The following KDM4B variants were observed in gnomAD, a reference collection of about 807,000 sequenced individuals.
KDM4B encodes lysine-specific demethylase 4B.
A neutral mutation model predicts 125.2 loss-of-function variants in KDM4B; 32 were observed. The ratio of observed to expected loss-of-function variants is 0.26; its 90% confidence interval spans 0.19 to 0.34. The LOEUF is 0.34. Among genes scored for constraint, KDM4B ranks in the 10% least tolerant of loss-of-function variants. The pLI, the probability that KDM4B is intolerant of heterozygous loss-of-function variation, is 1.00. For missense variants in KDM4B, 1,190 were observed against 1,577.7 expected, an observed-to-expected ratio of 0.75 and a Z score of 4.16; for synonymous variants, 721 against 677.9, an observed-to-expected ratio of 1.06 and a Z score of -0.99.
At position 5,035,704 on chromosome 19, in the gene KDM4B, C is replaced by T. The variant is rs989322097; in HGVS notation, c.141+2673C>T. On this transcript the variant is annotated intron_variant, in intron 3 of 22. Coordinates refer to ENST00000159111, the MANE Select transcript of KDM4B (RefSeq NM_015015.3). The surrounding 1 kb of genome is among the most constrained non-coding windows in gnomAD (Gnocchi z 5.3). ...TGGGGAGTATGGTTTCCCTGCCTTG[C>T]GTTCTGCGTGTTCCTTCCCATGCCT... Among the ~76,000 whole-genome samples, 8 of 152,072 alleles carry T rather than the reference C, an allele frequency of 5.3e-5. No homozygotes were observed. Among genetic ancestry groups the T allele is most frequent in the African/African-American group, 1.7e-4 (7 of 41,398 alleles).
intron 2 of KDM4B, among the ~76,000 whole-genome samples, chr19:5,021,273 C>G (rs1215045374): frequency 6.6e-6 from 1 of 152,102 alleles, no homozygotes. Flanking sequence ...AGGAGGGCAT[C>G]TTTTGTTTTT....
chr19:5,055,001 C>A (rs920910978), intron 6 of KDM4B, among the ~76,000 whole-genome samples: 6 of 152,242 alleles, frequency 3.9e-5, no homozygotes, highest in African/African-American at 1.4e-4. Context: ...TTGAGCCTCA[C>A]ACTGGGGCGT....
In KDM4B at chr19:5,082,343, C is replaced by T. The variant is rs1568283723; in HGVS notation, c.781-24C>T. 2 of 1,613,042 alleles carry T rather than the reference C, an allele frequency of 1.2e-6. No homozygotes were observed. The highest frequency in any genetic ancestry group is 1.1e-5 in the South Asian group (1 of 91,026). On this transcript the variant is annotated intron_variant, in intron 8 of 22. Transcript: ENST00000159111. This position sits in a 1 kb window ranked among gnomAD's most constrained non-coding sequence, Gnocchi z 5.4. ...GGTGCGCCTCTGGTGGCCCTGCCCT[C>T]ACCTGTCTCCTTTCCCTCTGCAGAT...
intron 1 of KDM4B, among the ~76,000 whole-genome samples, chr19:4,986,593 G>A (rs1392821245): frequency 6.6e-6 from 1 of 152,228 alleles, no homozygotes; most frequent in Non-Finnish European, 1.5e-5. Context: ...GGTGCTGAGG[G>A]GCCGGCGAGG....
At chr19:4,972,169 C>T (rs537289927) in intron 1 of KDM4B, among the ~76,000 whole-genome samples, 3 of 152,284 alleles carry the variant, frequency 2.0e-5, no homozygotes, top group East Asian at 1.9e-4. Context: ...GCCTGGGCTC[C>T]GTTCTCATCT....
At chr19:5,143,888 C>A (rs3816734) in intron 18 of KDM4B, 79 bp from the exon 19 acceptor site, 1 of 1,164,820 alleles carries the variant, frequency 8.6e-7, no homozygotes, top group East Asian at 2.4e-5. Flanking sequence ...AAGGCTGTGC[C>A]GGGAGGGGCC....
At chr19:5,041,394 C>G in intron 5 of KDM4B, 143 bp downstream of exon 5, 1 of 597,462 alleles carries the variant, frequency 1.7e-6, no homozygotes, top group South Asian at 1.8e-5. Flanking sequence ...GGATGCGGGC[C>G]TCGCCCTGTG....
At chr19:4,983,125 TTTTTC>T (rs1397791156) in intron 1 of KDM4B, among the ~76,000 whole-genome samples, 78 of 150,532 alleles carry the variant, frequency 5.2e-4, no homozygotes, top group African/African-American at 1.3e-3. Flanking sequence ...TTCACACTGC[TTTTTC>T]TTTTCTTTTT....
chr19:5,023,153 A>G (rs1181337708), intron 2 of KDM4B, among the ~76,000 whole-genome samples: 1 of 152,044 alleles, frequency 6.6e-6, no homozygotes, highest in Non-Finnish European at 1.5e-5. Context: ...AGTCAGAGAG[A>G]GGCTGGAAGA....
At chr19:5,135,658 A>T in intron 15 of KDM4B, 97 bp downstream of exon 15, 2 of 1,035,162 alleles carry the variant, frequency 1.9e-6, no homozygotes, top group Non-Finnish European at 2.8e-6. Context: ...GGAGGGCCAC[A>T]CCGGCCCCTC....
rs2036611488 is a variant in KDM4B, at chr19:5,035,903, G to GCT, written c.141+2873_141+2874insTC. On this transcript the variant is annotated intron_variant, in intron 3 of 22. Transcript: ENST00000159111. The surrounding 1 kb of genome is among the most constrained non-coding windows in gnomAD (Gnocchi z 5.3). ...TGTGCGCGCGCGCGCGCGCCTGCGC[G>GCT]CACAGGAGACTGAGGTGGGGAGGCA... Among the ~76,000 whole-genome samples the GCT allele has an allele frequency of 7.6e-6, 1 of 131,536 alleles. No homozygotes were observed. The allele number at this position is 131,536 out of a possible 152,430, so 86.3% of individuals were successfully genotyped here. A position where few individuals can be genotyped will look rare whatever the true frequency, so the allele number is the denominator to read the frequency against.
At chr19:5,063,699 A>G (rs143088866) in intron 6 of KDM4B, among the ~76,000 whole-genome samples, 188 of 152,330 alleles carry the variant, frequency 1.2e-3, no homozygotes, top group African/African-American at 3.7e-3. Context: ...AGTGCGGTGA[A>G]TAGGTCCTCA....
intron 21 of KDM4B, among the ~76,000 whole-genome samples, chr19:5,147,465 G>C (rs1482175731): frequency 1.3e-5 from 2 of 152,180 alleles, no homozygotes; most frequent in Non-Finnish European, 2.9e-5. Context: ...GATGATGCCA[G>C]CCAGGCGCGG....
chr19:5,090,682 C>T (rs1484654338), intron 9 of KDM4B, among the ~76,000 whole-genome samples: 1 of 138,660 alleles, frequency 7.2e-6, no homozygotes, highest in East Asian at 2.1e-4. Flanking sequence ...CAGTACCACC[C>T]TCCATCAAGT....
rs572630321 is a variant in KDM4B at position 5,114,130 on chromosome 19, G to A, written c.1115+3312G>A. On this transcript the variant is annotated intron_variant, in intron 10 of 22. Coordinates refer to ENST00000159111, the MANE Select transcript of KDM4B (RefSeq NM_015015.3). This position sits in a 1 kb window ranked among gnomAD's most constrained non-coding sequence, Gnocchi z 5.8. ...TGCGTTCTGGTGCCCTGCCTGAGCC[G>A]GAGCCCTCACAGTGCTCTCTGGCAC... 232 of 1,289,322 alleles carry A rather than the reference G, an allele frequency of 1.8e-4. 3 individuals are homozygous for A. The South Asian group carries it at 2.4e-3, about 13-fold the overall frequency. 79.9% of individuals were successfully genotyped at this position (1,289,322 alleles called of 1,614,324 possible).
chr19:5,150,870 G>A (rs2039934847), intron 22 of KDM4B, among the ~76,000 whole-genome samples: 2 of 152,216 alleles, frequency 1.3e-5, no homozygotes, highest in South Asian at 4.1e-4. Flanking sequence ...AGCTTTTCCT[G>A]AGGTTTTTCC....
intron 8 of KDM4B, chr19:5,077,914 C>T (rs758991327): frequency 3.9e-5 from 7 of 177,946 alleles, no homozygotes; most frequent in Non-Finnish European, 6.0e-5. Flanking sequence ...CCATGTCACC[C>T]GGCCGTGGAG....
At chr19:4,970,627 T>C (rs1034814630) in intron 1 of KDM4B, among the ~76,000 whole-genome samples, 2 of 152,228 alleles carry the variant, frequency 1.3e-5, no homozygotes, top group Non-Finnish European at 2.9e-5. Flanking sequence ...TATGGGCTTT[T>C]ATCACTGCCG....
intron 6 of KDM4B, among the ~76,000 whole-genome samples, chr19:5,052,321 T>C (rs1174625537): frequency 7.5e-6 from 1 of 133,844 alleles, no homozygotes; most frequent in Non-Finnish European, 1.6e-5. Context: ...CATGGGCGCA[T>C]GTGTGCACCG....
Sources: allele counts gnomAD v4.1 joint callset (sites outside exome capture counted in the v4.1 genomes callset), GRCh38; gene constraint gnomAD v4.1.1; non-coding constraint Gnocchi (gnomAD v3.1); transcripts MANE v1.5; gene names NCBI Gene and HGNC (gene_info 2026-07-23, HGNC 2026-07-21).